MBNL2: variants seen among roughly 807,000 people sequenced by gnomAD.
The protein encoded by MBNL2 is muscleblind like splicing regulator 2.
MBNL2 carries 17 observed loss-of-function variants against 41.9 expected under a neutral mutation model. The ratio of observed to expected loss-of-function variants is 0.41; its 90% CI spans 0.28 to 0.61. MBNL2 has a LOEUF of 0.61. Among genes scored for constraint, MBNL2 ranks in the 20% least tolerant of loss-of-function variants. MBNL2 has a pLI of 0.35. For missense variants in MBNL2, 336 were observed against 505.6 expected (o/e 0.66, Z 3.22); for synonymous variants, 195 against 182.9 (o/e 1.07, Z -0.53).
At chr13:97,227,230 T>C (rs558527915) in intron 1 of MBNL2, among the ~76,000 whole-genome samples, 218 of 152,250 alleles carry the variant, frequency 1.4e-3, no homozygotes, top group Non-Finnish European at 2.6e-3. Context: ...GATGTAGCCA[T>C]GTTTATAGAA....
chr13:97,171,040 T>C, the MBNL2 span, among the ~76,000 whole-genome samples: 1 of 152,232 alleles, frequency 6.6e-6, no homozygotes, highest in African/African-American at 2.4e-5. Context: ...ACTGAGTAAG[T>C]AACTCACCCA....
At chr13:97,296,210 T>C (rs1156523415) in intron 2 of MBNL2, among the ~76,000 whole-genome samples, 1 of 152,222 alleles carries the variant, frequency 6.6e-6, no homozygotes, top group East Asian at 1.9e-4. Flanking sequence ...TTTTGATTCA[T>C]TTCTCTTTCT....
chr13:97,191,007 T>TA, the MBNL2 span, among the ~76,000 whole-genome samples: 288 of 146,468 alleles, frequency 2.0e-3, no homozygotes, highest in African/African-American at 5.2e-3. Flanking sequence ...CAAATGAAAC[T>TA]AAAAAAAAAA....
chr13:97,237,837 C>T (rs1464591296), intron 1 of MBNL2, among the ~76,000 whole-genome samples: 1 of 152,204 alleles, frequency 6.6e-6, no homozygotes, highest in East Asian at 1.9e-4. Flanking sequence ...AGAGATAATT[C>T]CGTGAGCAGA....
At chr13:97,146,155 T>C in the MBNL2 span, among the ~76,000 whole-genome samples, 1 of 128,054 alleles carries the variant, frequency 7.8e-6, no homozygotes, top group African/African-American at 4.3e-5. Context: ...TACAACCGGC[T>C]AATTTTTTTT....
At chr13:97,153,298 C>T in the MBNL2 span, among the ~76,000 whole-genome samples, 83 of 151,432 alleles carry the variant, frequency 5.5e-4, no homozygotes, top group African/African-American at 1.6e-3. Flanking sequence ...AGCACATGCA[C>T]GTGTGTTTGA....
At chr13:97,303,322 G>A (rs1473312183) in intron 2 of MBNL2, among the ~76,000 whole-genome samples, 3 of 152,186 alleles carry the variant, frequency 2.0e-5, no homozygotes, top group Non-Finnish European at 4.4e-5. Flanking sequence ...AAATTCAGGT[G>A]GAGTCAGGAG....
At chr13:97,340,779 CAAT>C (rs1263594904) in intron 3 of MBNL2, among the ~76,000 whole-genome samples, 2 of 152,088 alleles carry the variant, frequency 1.3e-5, no homozygotes, top group Admixed American at 1.3e-4. Context: ...TTGCCATCAT[CAAT>C]AAAACATACT....
intron 7 of MBNL2, 47 bp from the exon 8 acceptor site, chr13:97,365,089 T>A: frequency 7.7e-7 from 1 of 1,296,252 alleles, no homozygotes; most frequent in Non-Finnish European, 1.1e-6. Flanking sequence ...GCTAACCTGT[T>A]TCTTTCCCTT....
At chr13:97,173,351 C>T in the MBNL2 span, among the ~76,000 whole-genome samples, 1 of 152,206 alleles carries the variant, frequency 6.6e-6, no homozygotes, top group African/African-American at 2.4e-5. Context: ...AGGTCACTGT[C>T]TTCTCTAATA....
At chr13:97,209,362 C>T in the MBNL2 span, among the ~76,000 whole-genome samples, 2 of 152,320 alleles carry the variant, frequency 1.3e-5, no homozygotes, top group East Asian at 3.9e-4. Context: ...ACAGAATCCA[C>T]TTCAGCCACT....
chr13:97,319,278 T>C (rs1346396483), intron 2 of MBNL2, among the ~76,000 whole-genome samples: 1 of 152,028 alleles, frequency 6.6e-6, no homozygotes, highest in Non-Finnish European at 1.5e-5. Context: ...GGGCCATGAG[T>C]CAGCATCAGC....
At chr13:97,339,277 A>AGT (rs2061220000) in intron 3 of MBNL2, among the ~76,000 whole-genome samples, 1 of 18,498 alleles carries the variant, frequency 5.4e-5, no homozygotes, top group African/African-American at 1.6e-4. Flanking sequence ...TGTGTGTGTG[A>AGT]GTGTGTGTGG....
intron 1 of MBNL2, among the ~76,000 whole-genome samples, chr13:97,225,741 C>T (rs765125638): frequency 6.6e-6 from 1 of 152,148 alleles, no homozygotes; most frequent in African/African-American, 2.4e-5. Flanking sequence ...GAGGACAGTT[C>T]GCCCTGTTCA....
At chr13:97,338,931 A>T (rs887096395) in intron 3 of MBNL2, among the ~76,000 whole-genome samples, 1 of 152,166 alleles carries the variant, frequency 6.6e-6, no homozygotes, top group East Asian at 1.9e-4. Context: ...ACCTCGGGCC[A>T]CTTGGCCATT....
the MBNL2 span, among the ~76,000 whole-genome samples, chr13:97,165,020 G>A: frequency 1.8e-4 from 28 of 152,112 alleles, no homozygotes; most frequent in African/African-American, 6.3e-4. Context: ...TCTGGCCAAC[G>A]TGGCAAAAAC....
At chr13:97,209,619 G>T in the MBNL2 span, among the ~76,000 whole-genome samples, 35 of 152,212 alleles carry the variant, frequency 2.3e-4, no homozygotes, top group Non-Finnish European at 8.8e-5. Flanking sequence ...ACCCTTATTT[G>T]GGTGTCAGTG....
chr13:97,238,048 C>T (rs1240123297), intron 1 of MBNL2, among the ~76,000 whole-genome samples: 1 of 152,040 alleles, frequency 6.6e-6, no homozygotes, highest in Non-Finnish European at 1.5e-5. Flanking sequence ...ACCAGTGATG[C>T]CAATGGCATA....
At chr13:97,246,275 T>TCA (rs34830044) in intron 1 of MBNL2, among the ~76,000 whole-genome samples, 14,003 of 145,772 alleles carry the variant, frequency 0.096, 674 homozygotes, top group Middle Eastern at 0.18. Flanking sequence ...TACTGTTATT[T>TCA]CACACACACA....
Sources: gnomAD v4.1 joint callset for allele counts (sites outside exome capture counted in the v4.1 genomes callset) on GRCh38, gnomAD v4.1.1 for gene constraint, MANE v1.5 for transcripts, NCBI Gene and HGNC (gene_info 2026-07-23, HGNC 2026-07-21) for gene names.